MAGI2: variants seen among roughly 807,000 people sequenced by gnomAD.
MAGI2 encodes the protein membrane associated guanylate kinase, WW and PDZ domain containing 2.
MAGI2 carries 35 observed loss-of-function variants against 133.3 expected under a neutral mutation model. The observed-to-expected ratio is 0.26, with a 90% CI of 0.20 to 0.35. The LOEUF (loss-of-function observed/expected upper bound fraction) is 0.35, where lower values mean the gene tolerates loss of function less well. Ranked by LOEUF, MAGI2 falls within the 10% of genes least tolerant of loss-of-function variation. The pLI, the probability that MAGI2 is intolerant of heterozygous loss-of-function variation, is 1.00. For missense variants in MAGI2, 1,636 were observed against 1,863.4 expected (o/e 0.88, Z 2.25); for synonymous variants, 729 against 710.6 (o/e 1.03, Z -0.41).
intron 1 of MAGI2, among the ~76,000 whole-genome samples, chr7:79,045,657 TGGC>T (rs1434570392): frequency 6.6e-6 from 1 of 152,034 alleles, no homozygotes; most frequent in African/African-American, 2.4e-5. Flanking sequence ...CCGGGCCTGG[TGGC>T]GGGCACCTGT....
At chr7:79,240,097 T>C (rs1357370888) in intron 1 of MAGI2, among the ~76,000 whole-genome samples, 1 of 152,170 alleles carries the variant, frequency 6.6e-6, no homozygotes, top group Non-Finnish European at 1.5e-5. Context: ...TGTGTTCTGC[T>C]GCAGTGGTGT....
chr7:78,805,059 C>G (rs990579727), intron 2 of MAGI2, among the ~76,000 whole-genome samples: 3 of 150,870 alleles, frequency 2.0e-5, no homozygotes, highest in African/African-American at 7.3e-5. Flanking sequence ...CAGCAAGACT[C>G]TGTCTCAAAA....
At chr7:79,394,106 A>G (rs1407468887) in intron 1 of MAGI2, among the ~76,000 whole-genome samples, 1 of 152,182 alleles carries the variant, frequency 6.6e-6, no homozygotes, top group Non-Finnish European at 1.5e-5. Context: ...CTCCCAATTC[A>G]GGATCCCAGA....
At position 78,908,844 on chromosome 7, in the gene MAGI2, A is replaced by C. The variant is rs563223487; in HGVS notation, c.418+98246T>G. Among the ~76,000 whole-genome samples, 35 of 152,272 alleles carry C rather than the reference A, an allele frequency of 2.3e-4. No individual in the cohort carries two copies. The South Asian group carries it at 3.1e-3, about 14-fold the overall frequency. On this transcript the variant is annotated intron_variant, in intron 2 of 21. Coordinates refer to ENST00000354212, the MANE Select transcript of MAGI2 (RefSeq NM_012301.4). ...TACTATAGAATGTTGTGCAGATAGA[A>C]AATAGAAAGAAAAAAATAGAAGAAA... is the stretch of plus-strand genomic sequence containing the variant.
intron 3 of MAGI2, among the ~76,000 whole-genome samples, chr7:78,612,831 G>T (rs1041597960): frequency 1.3e-5 from 2 of 151,726 alleles, no homozygotes; most frequent in Non-Finnish European, 2.9e-5. Context: ...CACCACGCCC[G>T]GCTAATTTTT....
chr7:78,690,290 G>T (rs1816817871), intron 2 of MAGI2, among the ~76,000 whole-genome samples: 1 of 152,150 alleles, frequency 6.6e-6, no homozygotes, highest in African/African-American at 2.4e-5. Context: ...CTTGAGGCGG[G>T]AGTGAATCGT....
intron 2 of MAGI2, among the ~76,000 whole-genome samples, chr7:78,692,316 A>C (rs1002257643): frequency 4.6e-5 from 7 of 152,338 alleles, no homozygotes; most frequent in South Asian, 4.1e-4. Context: ...ATACTGCAGA[A>C]AGCAGGCAGT....
intron 1 of MAGI2, among the ~76,000 whole-genome samples, chr7:79,446,774 C>A (rs908567587): frequency 2.0e-5 from 3 of 152,022 alleles, no homozygotes; most frequent in Admixed American, 1.3e-4. Flanking sequence ...CACGGTGAAA[C>A]CCCATATCTA....
chr7:79,439,199 T>C, intron 1 of MAGI2, among the ~76,000 whole-genome samples: 1 of 152,078 alleles, frequency 6.6e-6, no homozygotes, highest in East Asian at 1.9e-4. Flanking sequence ...TTAGTGACAA[T>C]CTCAAAGATC....
intron 2 of MAGI2, among the ~76,000 whole-genome samples, chr7:78,979,054 A>T (rs1473713644): frequency 2.6e-5 from 4 of 151,638 alleles, no homozygotes; most frequent in Non-Finnish European, 5.9e-5. Context: ...ATCAGTAAAA[A>T]CTCAAGTTTC....
At chr7:78,283,815 T>C (rs1367197556) in intron 9 of MAGI2, among the ~76,000 whole-genome samples, 1 of 152,098 alleles carries the variant, frequency 6.6e-6, no homozygotes, top group Non-Finnish European at 1.5e-5. Flanking sequence ...GATAAATCTG[T>C]TTTTGTAAAG....
At chr7:79,442,449 AGAGT>A (rs1400365218) in intron 1 of MAGI2, among the ~76,000 whole-genome samples, 1 of 106,870 alleles carries the variant, frequency 9.4e-6, no homozygotes, top group African/African-American at 4.6e-5. Context: ...TAGTGTTTGA[AGAGT>A]GTGTGTGTGT....
At chr7:78,545,677 T>G (rs1439443343) in intron 3 of MAGI2, among the ~76,000 whole-genome samples, 1 of 152,236 alleles carries the variant, frequency 6.6e-6, no homozygotes, top group African/African-American at 2.4e-5. Flanking sequence ...TTGTCCACTC[T>G]GCTAAACTTG....
At chr7:78,982,379 G>T (rs111789682) in intron 2 of MAGI2, among the ~76,000 whole-genome samples, 46 of 151,942 alleles carry the variant, frequency 3.0e-4, no homozygotes, top group African/African-American at 1.0e-3. Context: ...GTTTATAGTG[G>T]TAATTAAATG....
chr7:79,141,464 A>G (rs893352573), intron 1 of MAGI2, among the ~76,000 whole-genome samples: 3 of 152,144 alleles, frequency 2.0e-5, no homozygotes, highest in Admixed American at 2.0e-4. Context: ...TTCAGAGCCA[A>G]ATTTATTCTT....
At chr7:79,128,037 C>T (rs1584994965) in intron 1 of MAGI2, among the ~76,000 whole-genome samples, 2 of 152,120 alleles carry the variant, frequency 1.3e-5, no homozygotes, top group Admixed American at 1.3e-4. Flanking sequence ...GTTTTCCCAG[C>T]ACCATTTATT....
intron 1 of MAGI2, among the ~76,000 whole-genome samples, chr7:79,309,327 G>A (rs1199352962): frequency 6.6e-6 from 1 of 151,392 alleles, no homozygotes; most frequent in Non-Finnish European, 1.5e-5. Context: ...CTAGTTTAGA[G>A]ATTTTGTTTT....
Position 78,194,866 on chromosome 7 carries a change from T to G in MAGI2, c.2269+8A>C. ...AATGTACCCTTGTTTCATGTGGCTTTCACTTACGCCTACTTTCATAAATGG... is the reference window on the plus strand; with the variant it reads ...AATGTACCCTTGTTTCATGTGGCTTGCACTTACGCCTACTTTCATAAATGG... On this transcript the variant is annotated splice_region_variant and intron_variant, in intron 12 of 21. Coordinates refer to ENST00000354212, the MANE Select transcript of MAGI2 (RefSeq NM_012301.4). The G allele has an allele frequency of 6.3e-7, 1 of 1,589,878 alleles. No individual in the cohort carries two copies. Among genetic ancestry groups the G allele is most frequent in the Non-Finnish European group, 8.5e-7 (1 of 1,169,652 alleles).
At chr7:79,350,659 T>C (rs943398648) in intron 1 of MAGI2, among the ~76,000 whole-genome samples, 15 of 152,106 alleles carry the variant, frequency 9.9e-5, no homozygotes, top group Admixed American at 1.3e-4. Flanking sequence ...TTTAAGAAGA[T>C]GGGCTGAATG....
Sources: allele counts gnomAD v4.1 joint callset (sites outside exome capture counted in the v4.1 genomes callset), GRCh38; gene constraint gnomAD v4.1.1; transcripts MANE v1.5; gene names NCBI Gene and HGNC (gene_info 2026-07-23, HGNC 2026-07-21).